The following PDGFRA variants were observed in gnomAD, a reference collection of about 807,000 sequenced individuals.
The protein encoded by PDGFRA is platelet-derived growth factor receptor alpha.
A neutral mutation model predicts 121.5 loss-of-function variants in PDGFRA; 25 were observed. The ratio of observed to expected loss-of-function variants is 0.21; its 90% CI spans 0.15 to 0.29. The LOEUF (loss-of-function observed/expected upper bound fraction) is 0.29. Ranked by LOEUF, PDGFRA falls within the 10% of genes least tolerant of loss-of-function variation. The probability of loss-of-function intolerance (pLI) is 1.00; values close to 1 mark genes in which losing one functional copy is unlikely to be tolerated. For synonymous variants in PDGFRA, 463 were observed against 494.8 expected, an observed-to-expected ratio of 0.94 and a Z score of 0.85; for missense variants, 1,008 against 1,345.1, an observed-to-expected ratio of 0.75 and a Z score of 3.92.
chr4:54,268,455 C>A (rs1298920856), intron 7 of PDGFRA, among the ~76,000 whole-genome samples: 2 of 152,162 alleles, frequency 1.3e-5, no homozygotes, highest in Admixed American at 6.6e-5. Flanking sequence ...ACCCAAGAGT[C>A]AGAAGATACA....
chr4:54,265,319 G>A, intron 5 of PDGFRA: 4 of 417,594 alleles, frequency 9.6e-6, no homozygotes, highest in Non-Finnish European at 1.3e-5. Flanking sequence ...ACAGAAATAG[G>A]AAGGTTCTCT....
In PDGFRA at chr4:54,295,715, C is replaced by A. The variant is rs1267104227; in HGVS notation, c.*443C>A. On this transcript the variant is annotated 3_prime_UTR_variant, in exon 23 of 23. Coordinates refer to ENST00000257290, the MANE Select transcript of PDGFRA (RefSeq NM_006206.6). Reference sequence around the variant, plus strand: ...AGAGACCACTCAATCCATCCATGTACTTCCCTCTTGAAACCTGATGTCAGC... The same window carrying A: ...AGAGACCACTCAATCCATCCATGTAATTCCCTCTTGAAACCTGATGTCAGC... 3.8e-6 allele frequency: 1 copy of A among 261,326 alleles called. No homozygotes were observed. Among genetic ancestry groups the A allele is most frequent in the African/African-American group, 2.2e-5 (1 of 46,114 alleles). 16.2% of individuals were successfully genotyped at this position (261,326 alleles called of 1,614,324 possible).
chr4:54,260,551 C>T (rs1380546998), intron 2 of PDGFRA, among the ~76,000 whole-genome samples: 1 of 151,798 alleles, frequency 6.6e-6, no homozygotes. Flanking sequence ...AGGTGTACAC[C>T]AGCACACCTG....
chr4:54,285,148 G>A (rs939106424), intron 16 of PDGFRA, among the ~76,000 whole-genome samples: 3 of 151,216 alleles, frequency 2.0e-5, no homozygotes, highest in South Asian at 4.2e-4. Context: ...CACCCACCTC[G>A]GCCTCCCAAA....
chr4:54,248,447 G>C (rs1183575156), intron 1 of PDGFRA, among the ~76,000 whole-genome samples: 2 of 152,240 alleles, frequency 1.3e-5, no homozygotes, highest in East Asian at 1.9e-4. Context: ...ACAAACCTGA[G>C]AAAAACAAGC....
chr4:54,279,843 T>C (rs1723967898), intron 15 of PDGFRA, among the ~76,000 whole-genome samples: 1 of 152,084 alleles, frequency 6.6e-6, no homozygotes, highest in Admixed American at 6.5e-5. Context: ...AGAATAATAG[T>C]CTCTAATCCC....
chr4:54,272,872 G>A (rs900639061), intron 9 of PDGFRA, among the ~76,000 whole-genome samples: 1 of 152,150 alleles, frequency 6.6e-6, no homozygotes. Context: ...CTGCTGTTTG[G>A]TGGGTTAATT....
intron 22 of PDGFRA, among the ~76,000 whole-genome samples, chr4:54,292,955 A>C (rs1420863966): frequency 6.6e-6 from 1 of 152,186 alleles, no homozygotes; most frequent in Admixed American, 6.5e-5. Context: ...GGGTGATGAA[A>C]TAATCTGTAC....
chr4:54,262,627 C>G (rs1722812021), intron 3 of PDGFRA, among the ~76,000 whole-genome samples: 1 of 152,100 alleles, frequency 6.6e-6, no homozygotes, highest in Non-Finnish European at 1.5e-5. Flanking sequence ...TCTAGACCCT[C>G]TTTACTTTTT....
chr4:54,266,749 G>A (rs1162059460), intron 5 of PDGFRA, among the ~76,000 whole-genome samples: 1 of 152,304 alleles, frequency 6.6e-6, no homozygotes, highest in East Asian at 1.9e-4. Flanking sequence ...GGGAGGCTGA[G>A]GCAGGAGAGT....
rs1433765857 is a variant in PDGFRA, at chr4:54,242,191, A to T, written c.-13+12776A>T. 3.3e-5 allele frequency among the ~76,000 whole-genome samples: 5 copies of T among 152,116 alleles called. No homozygotes were observed. The East Asian group carries it at 9.7e-4, about 29-fold the overall frequency. ...GAGAATGAGAGGTTTCCAGTTTGCT[A>T]CTTCTGGGACTTTTGTCATTTATTT... On this transcript the variant is annotated intron_variant, in intron 1 of 22. Coordinates refer to ENST00000257290, the MANE Select transcript of PDGFRA (RefSeq NM_006206.6).
chr4:54,245,431 T>A (rs1721586549), intron 1 of PDGFRA, among the ~76,000 whole-genome samples: 1 of 151,640 alleles, frequency 6.6e-6, no homozygotes, highest in Non-Finnish European at 1.5e-5. Context: ...AGAAAAGAAT[T>A]TTCAACCCAG....
At chr4:54,265,648 G>C (rs1476032939) in intron 5 of PDGFRA, among the ~76,000 whole-genome samples, 3 of 152,190 alleles carry the variant, frequency 2.0e-5, no homozygotes, top group Non-Finnish European at 4.4e-5. Flanking sequence ...CAGTATTGCA[G>C]GAAGAAGGGA....
Position 54,263,931 on chromosome 4 carries a change from C to T in PDGFRA, c.628+4C>T, listed in dbSNP as rs368210930. The T allele has an allele frequency of 2.7e-5, 44 of 1,612,576 alleles. No individual in the cohort carries two copies. The African/African-American group carries it at 4.9e-4, about 18-fold the overall frequency. On this transcript the variant is annotated splice_donor_region_variant and intron_variant, in intron 4 of 22. Coordinates refer to ENST00000257290, the MANE Select transcript of PDGFRA (RefSeq NM_006206.6). ...TTTAATGTTTATGCTTTAAAAGGTA[C>T]TTGTATCATCTCCTTCCTTCTTTAA...
intron 1 of PDGFRA, among the ~76,000 whole-genome samples, chr4:54,235,348 T>C (rs1720952739): frequency 6.6e-6 from 1 of 152,252 alleles, no homozygotes; most frequent in South Asian, 2.1e-4. Context: ...GCCAACTCTC[T>C]GGCTTTAGGA....
chr4:54,271,230 A>G (rs1723333111), intron 8 of PDGFRA, among the ~76,000 whole-genome samples: 1 of 152,166 alleles, frequency 6.6e-6, no homozygotes, highest in Non-Finnish European at 1.5e-5. Flanking sequence ...ACCAGAAGGG[A>G]GTGCCCAAGT....
At chr4:54,240,012 G>C in intron 1 of PDGFRA, 1 of 418,628 alleles carries the variant, frequency 2.4e-6, no homozygotes, top group Middle Eastern at 4.3e-4. Flanking sequence ...CACCACGCCT[G>C]GCTAAATTTT....
intron 5 of PDGFRA, among the ~76,000 whole-genome samples, chr4:54,266,605 T>A (rs1005090660): frequency 1.3e-5 from 2 of 152,184 alleles, no homozygotes; most frequent in Non-Finnish European, 2.9e-5. Flanking sequence ...ATAATAGGTG[T>A]TATTCTTTAA....
chr4:54,296,993 T>C lies in PDGFRA; in HGVS notation c.*1721T>C, dbSNP rs577290480. ...GATTGAACTTTCCCCGTCTCCCGTC[T>C]TCTGCCTCCCACTCCATACCCCGCC... On this transcript the variant is annotated 3_prime_UTR_variant, in exon 23 of 23. Transcript: ENST00000257290. 1 of 233,218 alleles carries C rather than the reference T, an allele frequency of 4.3e-6. No homozygotes were observed. The highest frequency in any genetic ancestry group is 1.8e-4 in the South Asian group (1 of 5,524). The allele number at this position is 233,218 out of a possible 1,614,324, so 14.4% of individuals were successfully genotyped here. A position where few individuals can be genotyped will look rare whatever the true frequency, so the allele number is the denominator to read the frequency against.
Sources: gnomAD v4.1 joint callset for allele counts (sites outside exome capture counted in the v4.1 genomes callset) on GRCh38, gnomAD v4.1.1 for gene constraint, MANE v1.5 for transcripts, NCBI Gene and HGNC (gene_info 2026-07-23, HGNC 2026-07-21) for gene names.